The following RAMP1 variants were observed in gnomAD, a reference collection of about 807,000 sequenced individuals.
The protein encoded by RAMP1 is receptor activity-modifying protein 1.
A neutral mutation model predicts 8.2 loss-of-function variants in RAMP1; 7 were observed. The ratio of observed to expected loss-of-function variants is 0.85; its 90% CI spans 0.49 to 1.60. The LOEUF is 1.60. Among genes scored for constraint, RAMP1 ranks in the 40% most tolerant of loss-of-function variants. RAMP1 has a pLI of 0.00. For missense variants in RAMP1, 192 were observed against 202.4 expected (o/e 0.95, Z 0.31); for synonymous variants, 92 against 84.7 (o/e 1.09, Z -0.47).
chr2:237,873,428 T>A lies in RAMP1; in HGVS notation c.53-3796T>A, dbSNP rs537182139. Among the ~76,000 whole-genome samples, 69 of 152,292 alleles carry A rather than the reference T, an allele frequency of 4.5e-4. 1 individual carries two copies. The highest frequency in any genetic ancestry group is 1.7e-3 in the African/African-American group (69 of 41,564). Reference sequence around the variant, plus strand: ...CCCTGTGGGGGGCCCGGCTGCCCCGTCCTTCTGTCCCCACCCTGTCACTTT... The same window carrying A: ...CCCTGTGGGGGGCCCGGCTGCCCCGACCTTCTGTCCCCACCCTGTCACTTT... On this transcript the variant is annotated intron_variant, in intron 1 of 2. Transcript: ENST00000254661.
At chr2:237,884,449 A>G (rs965411843) in intron 2 of RAMP1, among the ~76,000 whole-genome samples, 1 of 152,174 alleles carries the variant, frequency 6.6e-6, no homozygotes, top group African/African-American at 2.4e-5. Flanking sequence ...CAGAACAGAG[A>G]AGAGAAGAAT....
intron 2 of RAMP1, among the ~76,000 whole-genome samples, chr2:237,899,952 G>A (rs2062581350): frequency 6.6e-6 from 1 of 152,290 alleles, no homozygotes; most frequent in South Asian, 2.1e-4. Context: ...AACTGCCTGG[G>A]ATCTAGTGCC....
At chr2:237,885,038 C>T (rs971854300) in intron 2 of RAMP1, among the ~76,000 whole-genome samples, 1 of 152,358 alleles carries the variant, frequency 6.6e-6, no homozygotes, top group South Asian at 2.1e-4. Flanking sequence ...TGGGTCCACA[C>T]GACGTTGGGC....
At chr2:237,898,457 C>A (rs907886187) in intron 2 of RAMP1, among the ~76,000 whole-genome samples, 56 of 152,154 alleles carry the variant, frequency 3.7e-4, no homozygotes, top group African/African-American at 1.2e-3. Flanking sequence ...CGCGTGCTGC[C>A]AGTCCCAGGG....
At chr2:237,859,863 C>G in intron 1 of RAMP1, 136 bp downstream of exon 1, 1 of 844,042 alleles carries the variant, frequency 1.2e-6, no homozygotes, top group African/African-American at 1.8e-5. Context: ...ATCCGCTGCC[C>G]TTGAACGCGG....
At chr2:237,886,492 A>C (rs1047863395) in intron 2 of RAMP1, among the ~76,000 whole-genome samples, 2 of 152,066 alleles carry the variant, frequency 1.3e-5, no homozygotes, top group African/African-American at 4.8e-5. Flanking sequence ...CCTTCTCAGA[A>C]AGCTCCAGGA....
intron 2 of RAMP1, among the ~76,000 whole-genome samples, chr2:237,901,704 G>T (rs1447587776): frequency 6.6e-6 from 1 of 152,120 alleles, no homozygotes; most frequent in Admixed American, 6.5e-5. Flanking sequence ...GTGGACGGTG[G>T]GCTTGGGCAG....
At chr2:237,860,875 T>A (rs1227117782) in intron 1 of RAMP1, among the ~76,000 whole-genome samples, 1 of 152,128 alleles carries the variant, frequency 6.6e-6, no homozygotes, top group Non-Finnish European at 1.5e-5. Flanking sequence ...TGTAAACCTC[T>A]CCAAGGGGTG....
At chr2:237,894,055 C>T (rs968412779) in intron 2 of RAMP1, among the ~76,000 whole-genome samples, 7 of 149,480 alleles carry the variant, frequency 4.7e-5, no homozygotes, top group African/African-American at 1.2e-4. Flanking sequence ...CTGCAACCTC[C>T]GCCTCCCAAG....
rs533288921 is a variant in RAMP1, at chr2:237,893,897, G to A, written c.191+16535G>A. Among the ~76,000 whole-genome samples, 7 of 151,436 alleles carry A rather than the reference G, an allele frequency of 4.6e-5. No homozygotes were observed. In the South Asian group the frequency reaches 6.3e-4, roughly 14 times the overall value. On this transcript the variant is annotated intron_variant, in intron 2 of 2. Transcript: ENST00000254661. ...GGAGGTTGCAGTGAGCCAAGATTGT[G>A]CCACTGCACTCCAGCCTGGGCAACA...
chr2:237,902,940 T>C (rs1039710131), intron 2 of RAMP1, among the ~76,000 whole-genome samples: 7 of 152,254 alleles, frequency 4.6e-5, no homozygotes, highest in Non-Finnish European at 8.8e-5. Context: ...CATTCTGCTG[T>C]GTCCCCCTCC....
chr2:237,881,310 G>T (rs773346817), intron 2 of RAMP1, among the ~76,000 whole-genome samples: 1 of 152,182 alleles, frequency 6.6e-6, no homozygotes, highest in African/African-American at 2.4e-5. Context: ...TTTCCTTTCA[G>T]CCAGGGCAGA....
At chr2:237,866,261 C>A (rs1217504073) in intron 1 of RAMP1, among the ~76,000 whole-genome samples, 1 of 151,962 alleles carries the variant, frequency 6.6e-6, no homozygotes, top group Non-Finnish European at 1.5e-5. Context: ...ATATTTTCCC[C>A]CATTTTATTT....
intron 1 of RAMP1, among the ~76,000 whole-genome samples, chr2:237,868,532 G>C (rs889637258): frequency 6.8e-6 from 1 of 146,526 alleles, no homozygotes; most frequent in African/African-American, 2.5e-5. Flanking sequence ...ATGGACAGTG[G>C]TTAATCTGTG....
chr2:237,885,211 G>A (rs1005649318), intron 2 of RAMP1, among the ~76,000 whole-genome samples: 2 of 152,028 alleles, frequency 1.3e-5, no homozygotes, highest in Non-Finnish European at 2.9e-5. Context: ...GAACTGAGAG[G>A]GAGGCTTCTT....
At chr2:237,867,143 G>C (rs1217728023) in intron 1 of RAMP1, among the ~76,000 whole-genome samples, 1 of 152,166 alleles carries the variant, frequency 6.6e-6, no homozygotes, top group Non-Finnish European at 1.5e-5. Flanking sequence ...GCCAAGGTGG[G>C]AGGATCGCTT....
chr2:237,872,427 C>T (rs1246278737), intron 1 of RAMP1, among the ~76,000 whole-genome samples: 1 of 152,170 alleles, frequency 6.6e-6, no homozygotes, highest in African/African-American at 2.4e-5. Flanking sequence ...CCAGTGAGAG[C>T]CCCCGAAGCC....
chr2:237,911,009 C>G (rs2062706889), intron 2 of RAMP1, among the ~76,000 whole-genome samples: 1 of 151,814 alleles, frequency 6.6e-6, no homozygotes, highest in Non-Finnish European at 1.5e-5. Context: ...AATAGTCACA[C>G]ACACGGTCAC....
chr2:237,888,775 T>A (rs1409739027), intron 2 of RAMP1, among the ~76,000 whole-genome samples: 2 of 151,840 alleles, frequency 1.3e-5, no homozygotes, highest in African/African-American at 2.4e-5. Context: ...ATTCTTTTTT[T>A]TGTTTGTTTG....
Sources: allele counts gnomAD v4.1 joint callset (sites outside exome capture counted in the v4.1 genomes callset), GRCh38; gene constraint gnomAD v4.1.1; transcripts MANE v1.5; gene names NCBI Gene and HGNC (gene_info 2026-07-23, HGNC 2026-07-21).